Variants in GRIP1 observed in about 807,000 individuals in gnomAD.
The protein encoded by GRIP1 is glutamate receptor interacting protein 1.
Under a neutral mutation model 129.9 loss-of-function variants are expected in GRIP1, and 45 were observed. The observed-to-expected ratio is 0.35, with a 90% CI of 0.27 to 0.44. The LOEUF (loss-of-function observed/expected upper bound fraction) is 0.44. Among genes scored for constraint, GRIP1 ranks in the 20% least tolerant of loss-of-function variants. The probability of loss-of-function intolerance (pLI) is 1.00; values close to 1 mark genes in which losing one functional copy is unlikely to be tolerated. For synonymous variants in GRIP1, 530 were observed against 520.8 expected, an observed-to-expected ratio of 1.02 and a Z score of -0.24; for missense variants, 1,196 against 1,396.8, an observed-to-expected ratio of 0.86 and a Z score of 2.29.
chr12:66,550,612 T>G (rs557239688), intron 2 of GRIP1, among the ~76,000 whole-genome samples: 1 of 152,278 alleles, frequency 6.6e-6, no homozygotes, highest in Non-Finnish European at 1.5e-5. Context: ...CTTTAGAAAC[T>G]CTGACCTAGA....
intron 1 of GRIP1, among the ~76,000 whole-genome samples, chr12:67,058,466 C>T (rs1470419602): frequency 6.6e-6 from 1 of 152,208 alleles, no homozygotes; most frequent in Non-Finnish European, 1.5e-5. Context: ...TTCTAAACAT[C>T]TTTATTCAAA....
At chr12:66,365,463 T>C (rs1490957209) in intron 23 of GRIP1, among the ~76,000 whole-genome samples, 1 of 152,204 alleles carries the variant, frequency 6.6e-6, no homozygotes, top group Non-Finnish European at 1.5e-5. Context: ...AAATATTATG[T>C]TTTTACATTT....
chr12:66,371,653 G>T, intron 23 of GRIP1, 41 bp downstream of exon 23: 1 of 1,357,630 alleles, frequency 7.4e-7, no homozygotes, highest in Non-Finnish European at 1.1e-6. Flanking sequence ...CAGAATGGCT[G>T]CCAAATTTGA....
At chr12:66,814,093 T>C (rs1004482615) in intron 1 of GRIP1, among the ~76,000 whole-genome samples, 2 of 151,760 alleles carry the variant, frequency 1.3e-5, no homozygotes, top group African/African-American at 4.8e-5. Context: ...GTATATACTT[T>C]ATATATAGTT....
chr12:66,662,952 T>G (rs2136200703), intron 1 of GRIP1, among the ~76,000 whole-genome samples: 1 of 152,326 alleles, frequency 6.6e-6, no homozygotes, highest in East Asian at 1.9e-4. Context: ...AAGCCCAGGC[T>G]ATCAATGCTT....
intron 1 of GRIP1, among the ~76,000 whole-genome samples, chr12:66,906,717 T>C (rs2040939417): frequency 6.6e-6 from 1 of 152,138 alleles, no homozygotes; most frequent in Non-Finnish European, 1.5e-5. Flanking sequence ...CAAGGGTAAA[T>C]TACTTTGGTG....
chr12:66,586,808 T>C (rs11176291), intron 2 of GRIP1, among the ~76,000 whole-genome samples: 44,818 of 152,080 alleles, frequency 0.29, 7,030 homozygotes, highest in African/African-American at 0.39. Flanking sequence ...GTCTAAGCCA[T>C]CATCATTTCT....
chr12:66,808,300 T>C (rs983607334), upstream of GRIP1, among the ~76,000 whole-genome samples: 1 of 152,134 alleles, frequency 6.6e-6, no homozygotes, highest in African/African-American at 2.4e-5. Context: ...TGGTTTTTTG[T>C]TTTTTTGTTT....
intron 1 of GRIP1, among the ~76,000 whole-genome samples, chr12:67,046,885 C>T (rs1283299178): frequency 6.6e-6 from 1 of 152,154 alleles, no homozygotes; most frequent in African/African-American, 2.4e-5. Flanking sequence ...GCACTATTAT[C>T]CTACGTAGCC....
At chr12:66,970,591 AC>A (rs1162355964) in intron 1 of GRIP1, among the ~76,000 whole-genome samples, 1 of 125,254 alleles carries the variant, frequency 8.0e-6, no homozygotes, top group Admixed American at 8.5e-5. Context: ...CTTTCCTGAG[AC>A]CCCCTCTCCT....
intron 1 of GRIP1, among the ~76,000 whole-genome samples, chr12:67,051,965 A>G (rs980850376): frequency 6.6e-6 from 1 of 152,214 alleles, no homozygotes; most frequent in Non-Finnish European, 1.5e-5. Context: ...GAAGTCACTG[A>G]CAGGAAGAGA....
In GRIP1 at chr12:66,591,804, A is replaced by AT. The variant is rs537964618; in HGVS notation, c.136+5042dup. On this transcript the variant is annotated intron_variant, in intron 2 of 24. Transcript: ENST00000359742. ...GCCACCATCCCCAGCTGATTTTTGC[A>AT]TTTTTTGTAGAGACAGGGTTTCACC... Among the ~76,000 whole-genome samples, 1,192 of 151,814 alleles carry AT rather than the reference A, an allele frequency of 7.9e-3. 6 individuals are homozygous for AT. Among genetic ancestry groups the AT allele is most frequent in the Middle Eastern group, 0.02 (6 of 294 alleles).
At chr12:66,577,189 A>G (rs7134983) in intron 2 of GRIP1, among the ~76,000 whole-genome samples, 34,673 of 152,146 alleles carry the variant, frequency 0.23, 4,224 homozygotes, top group Admixed American at 0.27. Flanking sequence ...TGATAGATGT[A>G]TTCAAGTATC....
chr12:66,379,622 T>G (rs2056005042), intron 19 of GRIP1, among the ~76,000 whole-genome samples, 186 bp from the exon 20 acceptor site: 1 of 152,234 alleles, frequency 6.6e-6, no homozygotes, highest in South Asian at 2.1e-4. Context: ...ATCTTTCTTC[T>G]TTAGAGCCAT....
At chr12:66,489,116 T>C (rs550049583) in intron 7 of GRIP1, among the ~76,000 whole-genome samples, 216 of 152,284 alleles carry the variant, frequency 1.4e-3, no homozygotes, top group African/African-American at 5.1e-3. Flanking sequence ...TCCTAACTCA[T>C]TCTATGAGAC....
chr12:66,361,781 T>G (rs1294722536), intron 23 of GRIP1, among the ~76,000 whole-genome samples: 5 of 152,114 alleles, frequency 3.3e-5, no homozygotes, highest in Admixed American at 3.3e-4. Flanking sequence ...CTGGCCCTTC[T>G]CCAGCTTTTA....
chr12:66,375,366 T>C (rs2055736636), intron 22 of GRIP1, among the ~76,000 whole-genome samples: 1 of 152,216 alleles, frequency 6.6e-6, no homozygotes, highest in African/African-American at 2.4e-5. Flanking sequence ...TGTAATCATC[T>C]TTCATCTTAG....
intron 2 of GRIP1, among the ~76,000 whole-genome samples, chr12:66,569,833 T>C (rs1469522793): frequency 6.6e-6 from 1 of 152,182 alleles, no homozygotes; most frequent in African/African-American, 2.4e-5. Flanking sequence ...CTTCTTGAGC[T>C]TATGGGAAAG....
chr12:66,770,407 T>C (rs1274960963), intron 1 of GRIP1, among the ~76,000 whole-genome samples: 1 of 152,230 alleles, frequency 6.6e-6, no homozygotes, highest in Non-Finnish European at 1.5e-5. Flanking sequence ...TTTTTGTAGA[T>C]TGGTCAAGAC....
Sources: allele counts gnomAD v4.1 joint callset (sites outside exome capture counted in the v4.1 genomes callset), GRCh38; gene constraint gnomAD v4.1.1; transcripts MANE v1.5; gene names NCBI Gene and HGNC (gene_info 2026-07-23, HGNC 2026-07-21).